PSD3: variants seen among roughly 807,000 people sequenced by gnomAD.
PSD3 encodes pleckstrin and Sec7 domain containing 3.
PSD3 carries 49 observed loss-of-function variants against 105.5 expected under a neutral mutation model. That is an observed-to-expected ratio of 0.46 (90% confidence interval 0.37 to 0.59). PSD3 has a LOEUF of 0.59. PSD3 is among the 20% of genes least tolerant of loss of function. The probability of loss-of-function intolerance (pLI) is 0.00; values close to 1 mark genes in which losing one functional copy is unlikely to be tolerated. For synonymous variants in PSD3, 557 were observed against 457.8 expected, an observed-to-expected ratio of 1.22 and a Z score of -2.77; for missense variants, 1,561 against 1,263.8, an observed-to-expected ratio of 1.24 and a Z score of -3.57.
rs201407504 is a variant in PSD3 at position 18,765,435 on chromosome 8, A to G, written c.2172+14T>C. ...ATACAAGCATACACTAAAAACCAAT[A>G]GTTCCATGCTTACTTTCAGCAGATC... On this transcript the variant is annotated intron_variant, in intron 9 of 15. Coordinates refer to ENST00000327040, the MANE Select transcript of PSD3 (RefSeq NM_015310.4). 1 of 1,583,072 alleles carries G rather than the reference A, an allele frequency of 6.3e-7. No homozygotes were observed. The highest frequency in any genetic ancestry group is 1.7e-5 in the Admixed American group (1 of 59,978).
intron 9 of PSD3, among the ~76,000 whole-genome samples, chr8:18,691,511 A>G (rs1403798089): frequency 6.6e-6 from 1 of 152,148 alleles, no homozygotes; most frequent in African/African-American, 2.4e-5. Context: ...GGCATTATAA[A>G]CTCTTCTTTC....
At chr8:18,977,968 A>G (rs1825033604) in intron 1 of PSD3, among the ~76,000 whole-genome samples, 2 of 152,232 alleles carry the variant, frequency 1.3e-5, no homozygotes, top group Non-Finnish European at 2.9e-5. Context: ...AGCAAAAACA[A>G]GTGAACAATA....
intron 3 of PSD3, among the ~76,000 whole-genome samples, chr8:18,870,379 C>A (rs1817242775): frequency 6.6e-6 from 1 of 152,208 alleles, no homozygotes; most frequent in Admixed American, 6.5e-5. Flanking sequence ...AGGGTCTAAG[C>A]TGGTGTAGAT....
In PSD3 at chr8:18,916,349, T is replaced by TACAC. The variant is rs1216820670; in HGVS notation, c.130+19681_130+19684dup. Among the ~76,000 whole-genome samples, 225 of 44,650 alleles carry TACAC rather than the reference T, an allele frequency of 5.0e-3. 9 individuals are homozygous for TACAC. Among genetic ancestry groups the TACAC allele is most frequent in the Middle Eastern group, 0.029 (2 of 68 alleles). 29.3% of individuals were successfully genotyped at this position (44,650 alleles called of 152,430 possible). On this transcript the variant is annotated intron_variant, in intron 2 of 15. Coordinates refer to ENST00000327040, the MANE Select transcript of PSD3 (RefSeq NM_015310.4). ...ATATATATATATATATATATATATA[T>TACAC]ACACACACACACACACACACACACA... is the stretch of plus-strand genomic sequence containing the variant.
At chr8:18,670,173 G>A (rs1026445415) in intron 9 of PSD3, among the ~76,000 whole-genome samples, 7 of 152,274 alleles carry the variant, frequency 4.6e-5, no homozygotes, top group East Asian at 1.9e-4. Context: ...GTGAGTGACC[G>A]GGAGCAGCCA....
rs538613636 is a variant in PSD3, at chr8:19,072,157, A to G, written c.324+12049T>C. On this transcript the variant is annotated intron_variant, in intron 1 of 1. Transcript: ENST00000521475. ...CCCTCTGTCGCCCAGGCTAGAGTGC[A>G]GTGGCACGATCTCTGCTCACTGCAG... 7.4e-5 allele frequency among the ~76,000 whole-genome samples: 11 copies of G among 148,512 alleles called. No homozygotes were observed. The South Asian group carries it at 2.1e-3, about 29-fold the overall frequency.
chr8:18,887,871 T>C (rs1175254976), intron 2 of PSD3, among the ~76,000 whole-genome samples: 4 of 152,222 alleles, frequency 2.6e-5, no homozygotes, highest in African/African-American at 7.2e-5. Flanking sequence ...CCAGGCACTA[T>C]ACTAAGCAGT....
chr8:18,923,294 C>T (rs1268227564), intron 2 of PSD3, among the ~76,000 whole-genome samples: 1 of 152,192 alleles, frequency 6.6e-6, no homozygotes, highest in Non-Finnish European at 1.5e-5. Context: ...CTGTGGGTTG[C>T]ATAAGCTTGC....
At chr8:19,051,637 C>T (rs1828532881) in intron 1 of PSD3, among the ~76,000 whole-genome samples, 1 of 152,186 alleles carries the variant, frequency 6.6e-6, no homozygotes, top group Non-Finnish European at 1.5e-5. Flanking sequence ...AGAATAATTG[C>T]TCCTTCCAGT....
intron 10 of PSD3, among the ~76,000 whole-genome samples, chr8:18,649,858 C>T (rs1808343346): frequency 6.6e-6 from 1 of 152,152 alleles, no homozygotes. Context: ...CTGCTCTGGC[C>T]ATGTGAAGTG....
At chr8:18,768,874 A>G (rs1362744769) in intron 8 of PSD3, among the ~76,000 whole-genome samples, 2 of 152,236 alleles carry the variant, frequency 1.3e-5, no homozygotes, top group Non-Finnish European at 2.9e-5. Context: ...ACTGAAAAAA[A>G]TGGTTTGACA....
At chr8:18,805,306 C>T (rs1811105163) in intron 4 of PSD3, among the ~76,000 whole-genome samples, 1 of 152,056 alleles carries the variant, frequency 6.6e-6, no homozygotes, top group South Asian at 2.1e-4. Flanking sequence ...AACTAAAATT[C>T]ACTGTTTTTT....
chr8:18,999,019 T>C (rs76608793), intron 1 of PSD3, among the ~76,000 whole-genome samples: 15,699 of 151,938 alleles, frequency 0.1, 1,212 homozygotes, highest in Non-Finnish European at 0.16. Flanking sequence ...GAAAGCAAAA[T>C]AATCTCAGCA....
At chr8:19,007,825 A>C (rs542576778) in intron 1 of PSD3, among the ~76,000 whole-genome samples, 1 of 152,206 alleles carries the variant, frequency 6.6e-6, no homozygotes, top group East Asian at 1.9e-4. Context: ...TTTTTCTTCA[A>C]GGGAGATTTT....
At chr8:18,968,203 A>ACCTTATGT (rs776855461) in intron 1 of PSD3, among the ~76,000 whole-genome samples, 51 of 152,112 alleles carry the variant, frequency 3.4e-4, no homozygotes, top group Non-Finnish European at 6.8e-4. Flanking sequence ...AATTAAGAAA[A>ACCTTATGT]CCTTATGTTT....
At chr8:18,690,695 G>T (rs985400568) in intron 9 of PSD3, among the ~76,000 whole-genome samples, 1 of 152,144 alleles carries the variant, frequency 6.6e-6, no homozygotes, top group African/African-American at 2.4e-5. Context: ...TTTCCTAAAC[G>T]GGACTCAGAC....
chr8:18,801,750 C>A (rs894487718), intron 6 of PSD3, among the ~76,000 whole-genome samples: 2 of 152,016 alleles, frequency 1.3e-5, no homozygotes, highest in African/African-American at 4.8e-5. Flanking sequence ...ATCGCTTGAA[C>A]CCAGGAGGCG....
intron 1 of PSD3, among the ~76,000 whole-genome samples, chr8:19,080,519 G>A (rs1293030718): frequency 1.3e-5 from 2 of 152,156 alleles, no homozygotes; most frequent in Non-Finnish European, 1.5e-5. Context: ...GCTAGACAGG[G>A]TCTGCACATG....
rs549313586 is a variant in PSD3 at position 18,645,030 on chromosome 8, G to C, written c.2216+10612C>G. Among the ~76,000 whole-genome samples, 134 of 152,312 alleles carry C rather than the reference G, an allele frequency of 8.8e-4. 1 individual carries two copies. Among genetic ancestry groups the C allele is most frequent in the African/African-American group, 3.0e-3 (126 of 41,564 alleles). On this transcript the variant is annotated intron_variant, in intron 10 of 15. Coordinates refer to ENST00000327040, the MANE Select transcript of PSD3 (RefSeq NM_015310.4). ...AGGTCAAGAAAGCGCAAGAGAGCGA[G>C]TTGGGGATCACAGTTGCTTTTAAAA...
Sources: gnomAD v4.1 joint callset for allele counts (sites outside exome capture counted in the v4.1 genomes callset) on GRCh38, gnomAD v4.1.1 for gene constraint, MANE v1.5 for transcripts, NCBI Gene and HGNC (gene_info 2026-07-23, HGNC 2026-07-21) for gene names.